Variants in FCMR observed in about 807,000 individuals in gnomAD.
FCMR encodes the protein immunoglobulin mu Fc receptor.
A neutral mutation model predicts 41.6 loss-of-function variants in FCMR; 34 were observed. The observed-to-expected ratio is 0.82, with a 90% CI of 0.62 to 1.09. The LOEUF (loss-of-function observed/expected upper bound fraction) is 1.09, where lower values mean the gene tolerates loss of function less well. Ranked by LOEUF, FCMR falls within the 50% of genes least tolerant of loss-of-function variation. The pLI is 0.00. For synonymous variants in FCMR, 209 were observed against 211.8 expected (o/e 0.99, Z 0.12); for missense variants, 496 against 512.5 (o/e 0.97, Z 0.31).
chr1:206,915,763 G>A (rs1679166598), intron 1 of FCMR, among the ~76,000 whole-genome samples: 1 of 152,180 alleles, frequency 6.6e-6, no homozygotes, highest in African/African-American at 2.4e-5. Context: ...TCCGGGATAT[G>A]AGAGAGAACA....
chr1:206,913,785 T>C lies in FCMR; in HGVS notation c.347A>G (p.Gln116Arg), dbSNP rs763935075. ...ACTGTGGACATTCAGGGTGACTTTC[T>C]GGGTCTTTCCCCGGTCTGTGTTCAT... The part of the protein sequence containing the change: ...AGMNTDRGKT[Q>R]KVTLNVHSEY... The change falls in exon 2 of 8, where the codon CAG becomes CGG. Residue 116 changes from glutamine (Q) to arginine (R), a missense_variant. Coordinates refer to ENST00000367091, the MANE Select transcript of FCMR (RefSeq NM_005449.5). The C allele has an allele frequency of 1.2e-6, 2 of 1,614,214 alleles. No individual in the cohort carries two copies. Among genetic ancestry groups the C allele is most frequent in the Non-Finnish European group, 1.7e-6 (2 of 1,180,012 alleles).
upstream of FCMR, among the ~76,000 whole-genome samples, chr1:206,922,234 G>A (rs138205477): frequency 1.7e-4 from 26 of 152,232 alleles, no homozygotes; most frequent in East Asian, 3.9e-3. Context: ...ATTGGCTTCC[G>A]TGCTGGGGTC....
chr1:206,910,019 C>T, intron 5 of FCMR, 151 bp from the exon 6 acceptor site: 1 of 1,160,038 alleles, frequency 8.6e-7, no homozygotes, highest in Non-Finnish European at 1.2e-6. Context: ...CACGGCCTTG[C>T]CCTGCCCTGA....
At chr1:206,910,440 C>T in intron 4 of FCMR, 100 bp from the exon 5 acceptor site, 1 of 954,642 alleles carries the variant, frequency 1.0e-6, no homozygotes. Flanking sequence ...AGATGACTTA[C>T]AGGTTTGTCC....
At chr1:206,913,122 A>C (rs544915615) in intron 2 of FCMR, 80 bp from the exon 3 acceptor site, 1 of 1,082,562 alleles carries the variant, frequency 9.2e-7, no homozygotes, top group East Asian at 2.4e-5. Context: ...TAATTCAGCC[A>C]AAGTGGATGA....
At chr1:206,921,791 T>C (rs774468102) in intron 1 of FCMR, 27 bp downstream of exon 1, 2 of 1,608,024 alleles carry the variant, frequency 1.2e-6, no homozygotes, top group Admixed American at 3.3e-5. Context: ...CATTCAGAGG[T>C]CTGAAGTGTT....
Position 206,912,988 on chromosome 1 carries a change from TGAAACCA to T in FCMR, c.421_427del (p.Trp141IlefsTer18). 6.2e-7 allele frequency: 1 copy of T among 1,614,002 alleles called. No homozygotes were observed. Among genetic ancestry groups the T allele is most frequent in the Non-Finnish European group, 8.5e-7 (1 of 1,179,852 alleles). Reference sequence around the variant, plus strand: ...AGGCATCTGGAACAAATAGGGCAGATGAAACCATTTTGGAGTCTCAGGCATTGGCTGC... The same window carrying T: ...AGGCATCTGGAACAAATAGGGCAGATTTTTGGAGTCTCAGGCATTGGCTGC... On this transcript the variant is annotated frameshift_variant, in exon 3 of 8. Coordinates refer to ENST00000367091, the MANE Select transcript of FCMR (RefSeq NM_005449.5). LOFTEE classifies it high-confidence loss of function.
intron 1 of FCMR, chr1:206,921,319 G>C (rs901312494): frequency 8.3e-6 from 3 of 362,540 alleles, no homozygotes; most frequent in African/African-American, 6.3e-5. Flanking sequence ...GTTAACACCT[G>C]GCTGGGCACA....
intron 7 of FCMR, among the ~76,000 whole-genome samples, chr1:206,905,604 A>G (rs1376931344): frequency 6.6e-6 from 1 of 152,100 alleles, no homozygotes; most frequent in African/African-American, 2.4e-5. Context: ...TGGATGGTGA[A>G]GGGGATAAGA....
chr1:206,909,376 G>T lies in FCMR; in HGVS notation c.1044+86C>A. 1 of 773,136 alleles carries T rather than the reference G, an allele frequency of 1.3e-6. No homozygotes were observed. The highest frequency in any genetic ancestry group is 1.8e-6 in the Non-Finnish European group (1 of 568,102). The allele number at this position is 773,136 out of a possible 1,614,324, so 47.9% of individuals were successfully genotyped here. A position where few individuals can be genotyped will look rare whatever the true frequency, so the allele number is the denominator to read the frequency against. ...CTCTCCGGATCGCGGCGGCGGCGGC[G>T]CGGGAAGCCACACTCGGGTCCCCGC... is the stretch of plus-strand genomic sequence containing the variant. On this transcript the variant is annotated intron_variant, in intron 7 of 7. Transcript: ENST00000367091. This position sits in a 1 kb window ranked among gnomAD's most constrained non-coding sequence, Gnocchi z 5.0.
intron 1 of FCMR, 79 bp from the exon 2 acceptor site, chr1:206,914,173 C>A: frequency 8.7e-7 from 1 of 1,152,582 alleles, no homozygotes; most frequent in South Asian, 1.4e-5. Context: ...CAGCTCCAGC[C>A]GTCTCTCCAA....
chr1:206,921,459 G>A, intron 1 of FCMR: 1 of 421,704 alleles, frequency 2.4e-6, no homozygotes, highest in Non-Finnish European at 4.7e-6. Flanking sequence ...AAATTAGCTG[G>A]GCATGGTGGC....
At chr1:206,917,804 T>C (rs1265965384) in intron 1 of FCMR, 14 of 454,460 alleles carry the variant, frequency 3.1e-5, no homozygotes, top group Non-Finnish European at 6.2e-5. Context: ...TTTTTTTTTT[T>C]TTTTTAGAGA....
intron 1 of FCMR, chr1:206,921,490 A>T: frequency 2.2e-6 from 1 of 449,028 alleles, no homozygotes; most frequent in Non-Finnish European, 4.3e-6. Context: ...AGTCCTAGCT[A>T]CTAGAGAGTC....
In FCMR at chr1:206,910,190, A is replaced by G; in HGVS notation, c.841+20T>C. 1 of 1,583,070 alleles carries G rather than the reference A, an allele frequency of 6.3e-7. No individual in the cohort carries two copies. The highest frequency in any genetic ancestry group is 8.6e-7 in the Non-Finnish European group (1 of 1,166,960). On this transcript the variant is annotated intron_variant, in intron 5 of 7. Transcript: ENST00000367091. Reference sequence around the variant, plus strand: ...CTCTTTGGGCAGCTCAGCTCTCCCTACCGAAGCCCAGCCGCTCACCTTTCC... The same window carrying G: ...CTCTTTGGGCAGCTCAGCTCTCCCTGCCGAAGCCCAGCCGCTCACCTTTCC...
At chr1:206,914,153 A>G (rs1431608398) in intron 1 of FCMR, 59 bp from the exon 2 acceptor site, 3 of 1,345,422 alleles carry the variant, frequency 2.2e-6, no homozygotes, top group Admixed American at 1.7e-5. Flanking sequence ...TCCCAGCCCC[A>G]TCTACTTCCC....
At chr1:206,914,167 T>G in intron 1 of FCMR, 73 bp from the exon 2 acceptor site, 1 of 1,187,068 alleles carries the variant, frequency 8.4e-7, no homozygotes, top group Non-Finnish European at 1.2e-6. Context: ...ACTTCCCAGC[T>G]CCAGCCGTCT....
chr1:206,907,858 G>T, intron 7 of FCMR: 1 of 1,365,440 alleles, frequency 7.3e-7, no homozygotes, highest in Admixed American at 1.7e-5. Context: ...GCCGCATCTT[G>T]TGGCACAAGT....
chr1:206,911,988 T>C (rs1352145807), intron 3 of FCMR, 36 bp from the exon 4 acceptor site: 2 of 1,496,544 alleles, frequency 1.3e-6, no homozygotes, highest in African/African-American at 2.8e-5. Flanking sequence ...ATGTTCCTTT[T>C]ATACACTCTA....
Sources: allele counts gnomAD v4.1 joint callset (sites outside exome capture counted in the v4.1 genomes callset), GRCh38; gene constraint gnomAD v4.1.1; non-coding constraint Gnocchi (gnomAD v3.1); transcripts MANE v1.5; gene names NCBI Gene and HGNC (gene_info 2026-07-23, HGNC 2026-07-21).